The following BTBD8 variants were observed in gnomAD, a reference collection of about 807,000 sequenced individuals.
BTBD8 encodes the protein BTB domain containing 8, also known as BTB/POZ domain-containing protein 8.
In BTBD8, 110 loss-of-function variants were observed where a neutral mutation model predicts 162.9. The observed-to-expected ratio is 0.68, with a 90% CI of 0.58 to 0.79. The LOEUF is 0.79. BTBD8 is among the 30% of genes least tolerant of loss of function. BTBD8 has a pLI of 0.00. For synonymous variants in BTBD8, 667 were observed against 716.1 expected (o/e 0.93, Z 1.10); for missense variants, 1,905 against 2,085.4 (o/e 0.91, Z 1.68).
chr1:92,130,557 CACACACACACATAT>C (rs1177855582), intron 5 of BTBD8, among the ~76,000 whole-genome samples: 1 of 146,200 alleles, frequency 6.8e-6, no homozygotes, highest in Non-Finnish European at 1.5e-5. Context: ...CACACACACA[CACACACACACATAT>C]ACGCACACAC....
chr1:92,115,538 G>A (rs964435474), intron 4 of BTBD8: 10 of 381,620 alleles, frequency 2.6e-5, no homozygotes, highest in African/African-American at 1.1e-4. Flanking sequence ...CAGCACCAGC[G>A]TCATCCTGTT....
intron 9 of BTBD8, among the ~76,000 whole-genome samples, chr1:92,148,553 G>A (rs1405166067): frequency 6.6e-6 from 1 of 152,218 alleles, no homozygotes; most frequent in Non-Finnish European, 1.5e-5. Flanking sequence ...TGCAATACAT[G>A]CTGTAAATCA....
At chr1:92,101,115 A>G (rs966750530) in intron 2 of BTBD8, among the ~76,000 whole-genome samples, 7 of 152,080 alleles carry the variant, frequency 4.6e-5, no homozygotes, top group African/African-American at 1.7e-4. Flanking sequence ...TGTCCATTGT[A>G]TCATTCTTAT....
chr1:92,166,928 C>T lies in BTBD8; in HGVS notation c.1123-30C>T, dbSNP rs186689253. ...GTTATTTTATTAGCAGTAATAGCAT[C>T]TAACTTTCCAATTTTTTTTTAAATC... On this transcript the variant is annotated intron_variant, in intron 9 of 17. Coordinates refer to ENST00000636805, the MANE Select transcript of BTBD8 (RefSeq NM_001376131.1). 9.8e-6 allele frequency: 15 copies of T among 1,523,094 alleles called. No individual in the cohort carries two copies. The South Asian group carries it at 1.6e-4, about 16-fold the overall frequency. The allele number at this position is 1,523,094 out of a possible 1,614,324, so 94.3% of individuals were successfully genotyped here.
intron 3 of BTBD8, among the ~76,000 whole-genome samples, chr1:92,106,411 A>G (rs892471149): frequency 6.6e-6 from 1 of 152,080 alleles, no homozygotes; most frequent in Non-Finnish European, 1.5e-5. Context: ...CTGTAATCCC[A>G]GCACTTTAGG....
At chr1:92,102,940 A>C (rs1470390047) in intron 3 of BTBD8, among the ~76,000 whole-genome samples, 1 of 152,216 alleles carries the variant, frequency 6.6e-6, no homozygotes, top group Non-Finnish European at 1.5e-5. Flanking sequence ...ACCAATAAAG[A>C]AGCTTTGGCA....
At chr1:92,144,012 AC>A (rs1206526825) in intron 7 of BTBD8, among the ~76,000 whole-genome samples, 121 of 105,668 alleles carry the variant, frequency 1.1e-3, no homozygotes, top group African/African-American at 4.5e-3. Context: ...TCCCTCTGTC[AC>A]CCGGGCTAGA....
chr1:92,080,601 C>T lies in BTBD8; in HGVS notation c.30C>T (p.Ala10=), dbSNP rs745546118. 2 of 1,613,972 alleles carry T rather than the reference C, an allele frequency of 1.2e-6. No homozygotes were observed. Among genetic ancestry groups the T allele is most frequent in the South Asian group, 1.1e-5 (1 of 91,086 alleles). The change falls in exon 1 of 18, where the codon GCC becomes GCT. Residue 10 remains alanine, a synonymous_variant. Coordinates refer to ENST00000636805, the MANE Select transcript of BTBD8 (RefSeq NM_001376131.1). The stretch of plus-strand genomic sequence containing the variant: ...CTCGCTGTGGGGAAGGCAGTGCGGC[C>T]CCCATGGTACTTCTGGGGTCCGCTG... The part of the protein sequence containing the change: MARCGEGSA[A]PMVLLGSAGV...
At chr1:92,163,901 C>T (rs1005050007) in intron 9 of BTBD8, among the ~76,000 whole-genome samples, 1 of 152,038 alleles carries the variant, frequency 6.6e-6, no homozygotes, top group South Asian at 2.1e-4. Context: ...TACTCTATAT[C>T]TGTGGTTTTT....
chr1:92,163,333 CAACA>C (rs1306053000), intron 9 of BTBD8, among the ~76,000 whole-genome samples: 80 of 57,236 alleles, frequency 1.4e-3, no homozygotes, highest in Admixed American at 2.0e-3. Flanking sequence ...CCAGCCTGGG[CAACA>C]GAGAGAGATT....
In BTBD8 at chr1:92,182,181, A is replaced by C. The variant is rs921875376; in HGVS notation, c.4498A>C (p.Lys1500Gln). Residue 1500 changes from lysine (K) to glutamine (Q), a missense_variant, in exon 17 of 18, where the codon AAA (lysine) becomes CAA (glutamine). Transcript: ENST00000636805. ...AAGTGAAGATAATATTTTAGAATGT[A>C]AACAAAATAAAGGCAATAGTGTATG... is the stretch of plus-strand genomic sequence containing the variant. The part of the protein sequence containing the change: ...RESEDNILEC[K>Q]QNKGNSVCKN... The C allele has an allele frequency of 9.0e-6, 14 of 1,550,738 alleles. No individual in the cohort carries two copies. The highest frequency in any genetic ancestry group is 3.9e-5 in the Admixed American group (2 of 50,960).
intron 4 of BTBD8, among the ~76,000 whole-genome samples, chr1:92,128,671 C>T (rs935696517): frequency 7.9e-5 from 12 of 151,806 alleles, no homozygotes; most frequent in Admixed American, 2.0e-4. Context: ...CCACCCGCCT[C>T]GGCCTCCCAA....
Position 92,184,557 on chromosome 1 carries a change from A to G in BTBD8, c.*227A>G. Reference sequence around the variant, plus strand: ...TTATTAGAGAAATTAGAAGACTTATAAGGAAACCCTAGCTTCAGTTTTCCT... The same window carrying G: ...TTATTAGAGAAATTAGAAGACTTATGAGGAAACCCTAGCTTCAGTTTTCCT... On this transcript the variant is annotated 3_prime_UTR_variant, in exon 18 of 18. Transcript: ENST00000636805. 1 of 359,414 alleles carries G rather than the reference A, an allele frequency of 2.8e-6. No homozygotes were observed. Among genetic ancestry groups the G allele is most frequent in the Non-Finnish European group, 5.0e-6 (1 of 200,328 alleles). The allele number at this position is 359,414 out of a possible 1,614,324, so 22.3% of individuals were successfully genotyped here. A position where few individuals can be genotyped will look rare whatever the true frequency, so the allele number is the denominator to read the frequency against.
At chr1:92,165,409 A>G (rs1218930036) in intron 9 of BTBD8, among the ~76,000 whole-genome samples, 1 of 152,146 alleles carries the variant, frequency 6.6e-6, no homozygotes, top group Non-Finnish European at 1.5e-5. Flanking sequence ...AATGAATTAA[A>G]TGCTCTAACA....
At chr1:92,130,257 G>A (rs1214871624) in intron 5 of BTBD8, among the ~76,000 whole-genome samples, 1 of 152,128 alleles carries the variant, frequency 6.6e-6, no homozygotes, top group African/African-American at 2.4e-5. Flanking sequence ...TACTTTCTCA[G>A]AGGCCCCATC....
chr1:92,178,233 CTG>C, intron 15 of BTBD8, 77 bp from the exon 16 acceptor site: 2 of 1,066,866 alleles, frequency 1.9e-6, no homozygotes, highest in Admixed American at 3.0e-5. Context: ...TTGAAAAAAA[CTG>C]TTTCAGGTAT....
chr1:92,104,075 C>G (rs2128643), intron 3 of BTBD8, among the ~76,000 whole-genome samples: 1 of 152,180 alleles, frequency 6.6e-6, no homozygotes, highest in Non-Finnish European at 1.5e-5. Flanking sequence ...CTGCAATAAC[C>G]TGGTGTTTCT....
At chr1:92,153,145 C>T (rs1199901611) in intron 9 of BTBD8, among the ~76,000 whole-genome samples, 1 of 151,456 alleles carries the variant, frequency 6.6e-6, no homozygotes, top group African/African-American at 2.4e-5. Flanking sequence ...TTAAATAGTT[C>T]AAAATTGTTA....
At chr1:92,126,955 A>G (rs1430018961) in intron 4 of BTBD8, among the ~76,000 whole-genome samples, 1 of 152,208 alleles carries the variant, frequency 6.6e-6, no homozygotes, top group Non-Finnish European at 1.5e-5. Context: ...GTAGAAAAAC[A>G]TCTGCCTGTA....
Sources: allele counts gnomAD v4.1 joint callset (sites outside exome capture counted in the v4.1 genomes callset), GRCh38; gene constraint gnomAD v4.1.1; transcripts MANE v1.5; gene names NCBI Gene and HGNC (gene_info 2026-07-23, HGNC 2026-07-21).